Variants in IGFL4 observed in about 807,000 individuals in gnomAD.
The protein encoded by IGFL4 is IGF like family member 4, also known as insulin growth factor-like family member 4.
A neutral mutation model predicts 15.4 loss-of-function variants in IGFL4; 12 were observed. The observed-to-expected ratio is 0.78, with a 90% confidence interval of 0.50 to 1.26. The LOEUF (loss-of-function observed/expected upper bound fraction) is 1.26, where lower values mean the gene tolerates loss of function less well. Ranked by LOEUF, IGFL4 falls within the 50% of genes most tolerant of loss-of-function variation. The pLI is 0.00. For missense variants in IGFL4, 126 were observed against 147.8 expected (o/e 0.85, Z 0.76); for synonymous variants, 54 against 55.9 (o/e 0.97, Z 0.16).
intron 2 of IGFL4, among the ~76,000 whole-genome samples, chr19:46,051,070 A>T (rs561216286): frequency 3.9e-5 from 6 of 152,350 alleles, no homozygotes; most frequent in African/African-American, 1.4e-4. Context: ...CAGTGAAGCT[A>T]AGCCTCATAA....
chr19:46,069,063 T>C (rs1969521361), intron 1 of IGFL4, among the ~76,000 whole-genome samples: 1 of 152,304 alleles, frequency 6.6e-6, no homozygotes, highest in East Asian at 1.9e-4. Context: ...AAAGCTGTCC[T>C]ATCAGTACTG....
In IGFL4 at chr19:46,040,959, C is replaced by A. The variant is rs200186851; in HGVS notation, c.4G>T (p.Val2Leu). Reference sequence around the variant, plus strand: ...GTCTCCTTACCAGAAATTCTGGGCACCATGGGTTAGGCTTCAGAGCAGCGG... The same window carrying A: ...GTCTCCTTACCAGAAATTCTGGGCAACATGGGTTAGGCTTCAGAGCAGCGG... M[V>L]PRISAAIFIF... Residue 2 changes from valine to leucine, a missense_variant, in exon 1 of 4, where the codon GTG becomes TTG. Transcript: ENST00000377697. The surrounding 1 kb of genome is among the most constrained non-coding windows in gnomAD (Gnocchi z 4.1). 6.3e-7 allele frequency: 1 copy of A among 1,590,428 alleles called. No homozygotes were observed. The highest frequency in any genetic ancestry group is 2.2e-5 in the East Asian group (1 of 44,540).
Position 46,039,954 on chromosome 19 carries a change from T to C in IGFL4, c.331-18A>G, listed in dbSNP as rs28396657. 16,938 of 1,608,880 alleles carry C rather than the reference T, an allele frequency of 0.011. 1,077 individuals carry two copies. The African/African-American group carries it at 0.16, about 15-fold the overall frequency. On this transcript the variant is annotated intron_variant, in intron 3 of 3. Transcript: ENST00000377697. Reference sequence around the variant, plus strand: ...TGGTATTCCTGCAGAAGGAGAGAAGTGGGAGAGGGGAATAAGAGGGAGGGT... The same window carrying C: ...TGGTATTCCTGCAGAAGGAGAGAAGCGGGAGAGGGGAATAAGAGGGAGGGT...
chr19:46,052,108 C>A (rs936313603), intron 2 of IGFL4, among the ~76,000 whole-genome samples: 1 of 152,150 alleles, frequency 6.6e-6, no homozygotes, highest in Admixed American at 6.5e-5. Context: ...AAACAATGGA[C>A]TTAAGCTATA....
rs769177050 is a variant in IGFL4 at position 46,040,994 on chromosome 19, C to T, written c.-32G>A. 23 of 1,565,684 alleles carry T rather than the reference C, an allele frequency of 1.5e-5. No homozygotes were observed. The highest frequency in any genetic ancestry group is 1.9e-5 in the Non-Finnish European group (22 of 1,160,002). On this transcript the variant is annotated 5_prime_UTR_variant, in exon 1 of 4. Transcript: ENST00000377697. This position sits in a 1 kb window ranked among gnomAD's most constrained non-coding sequence, Gnocchi z 4.1. The stretch of plus-strand genomic sequence containing the variant: ...GGCTTCAGAGCAGCGGACGAGGGAG[C>T]AGCAGTGGAAATGGGTCAGTGACTT...
intron 1 of IGFL4, among the ~76,000 whole-genome samples, chr19:46,067,797 C>T (rs923878459): frequency 2.0e-5 from 3 of 152,124 alleles, no homozygotes; most frequent in Non-Finnish European, 2.9e-5. Context: ...AGGAAAGAGT[C>T]AGTCAGCCAG....
At chr19:46,072,885 G>A (rs1969560135) in intron 1 of IGFL4, among the ~76,000 whole-genome samples, 1 of 152,150 alleles carries the variant, frequency 6.6e-6, no homozygotes, top group Admixed American at 6.5e-5. Context: ...GGATCTCGGG[G>A]GAGATGCAGA....
rs147872869 is a variant in IGFL4, at chr19:46,040,164, C to T, written c.323G>A (p.Cys108Tyr). The T allele has an allele frequency of 4.6e-5, 75 of 1,613,732 alleles. No individual in the cohort carries two copies. In the African/African-American group the frequency reaches 8.9e-4, roughly 19 times the overall value. Residue 108 changes from cysteine (C) to tyrosine (Y), a missense_variant, in exon 3 of 4, where the codon TGT (cysteine) becomes TAT (tyrosine). Coordinates refer to ENST00000377697, the MANE Select transcript of IGFL4 (RefSeq NM_001002923.3). The surrounding 1 kb of genome is among the most constrained non-coding windows in gnomAD (Gnocchi z 4.1). The part of the protein sequence containing the change: ...DCKSSPITRI[C>Y]AQEYHPKSPV... ...CTGGAGTCAGATCCTTACCTGGGCA[C>T]AGATCCTGGTGATAGGGGAGGACTT...
At chr19:46,072,929 T>C (rs1261942634) in intron 1 of IGFL4, among the ~76,000 whole-genome samples, 1 of 152,062 alleles carries the variant, frequency 6.6e-6, no homozygotes, top group African/African-American at 2.4e-5. Context: ...CCGTAGTTAA[T>C]GGATACCAAA....
intron 2 of IGFL4, among the ~76,000 whole-genome samples, chr19:46,052,567 C>A (rs1031173090): frequency 1.3e-5 from 2 of 151,898 alleles, no homozygotes; most frequent in Non-Finnish European, 2.9e-5. Flanking sequence ...ACTAAAAATA[C>A]AAAAATTAGC....
intron 1 of IGFL4, among the ~76,000 whole-genome samples, chr19:46,064,334 A>G (rs958688057): frequency 5.9e-5 from 9 of 152,160 alleles, no homozygotes; most frequent in African/African-American, 2.2e-4. Flanking sequence ...GTTATTTAAA[A>G]ATGTAGAATT....
In IGFL4 at chr19:46,040,766, T is replaced by C; in HGVS notation, c.19+178A>G. 1 of 949,084 alleles carries C rather than the reference T, an allele frequency of 1.1e-6. No homozygotes were observed. The highest frequency in any genetic ancestry group is 1.6e-6 in the Non-Finnish European group (1 of 607,996). 58.8% of individuals were successfully genotyped at this position (949,084 alleles called of 1,614,324 possible). On this transcript the variant is annotated intron_variant, in intron 1 of 3. Transcript: ENST00000377697. This position sits in a 1 kb window ranked among gnomAD's most constrained non-coding sequence, Gnocchi z 4.1. ...GGAGGGCTCTGGGAAAAGTTAAGCT[T>C]CTGGAATTTGCAGTTCAGGAGACAG...
At chr19:46,059,897 C>G (rs1367893518) in intron 2 of IGFL4, 2 of 152,166 alleles carry the variant, frequency 1.3e-5, no homozygotes, top group African/African-American at 2.4e-5. Context: ...CTCTTGAGGT[C>G]CCAAGATAAC....
chr19:46,069,545 C>T (rs1031770442), intron 1 of IGFL4, among the ~76,000 whole-genome samples: 1 of 152,118 alleles, frequency 6.6e-6, no homozygotes, highest in African/African-American at 2.4e-5. Context: ...TACATATATG[C>T]CACACTTTTC....
chr19:46,066,993 A>G (rs1429672912), intron 1 of IGFL4, among the ~76,000 whole-genome samples: 1 of 152,218 alleles, frequency 6.6e-6, no homozygotes, highest in East Asian at 1.9e-4. Context: ...CTCATGTCCA[A>G]TCTGGTTCTC....
At chr19:46,075,243 A>G (rs1969584198) in intron 1 of IGFL4, among the ~76,000 whole-genome samples, 1 of 152,234 alleles carries the variant, frequency 6.6e-6, no homozygotes, top group Non-Finnish European at 1.5e-5. Context: ...GTTAGTAACT[A>G]AAGTCCATAG....
Position 46,040,136 on chromosome 19 carries a change from G to A in IGFL4, c.330+21C>T, listed in dbSNP as rs1339610605. The A allele has an allele frequency of 6.2e-7, 1 of 1,612,278 alleles. No individual in the cohort carries two copies. The highest frequency in any genetic ancestry group is 1.7e-5 in the Admixed American group (1 of 60,002). ...TCCCTACTCCCCCCTCCCACAGCCTGGACTGGAGTCAGATCCTTACCTGGG... is the reference window on the plus strand; with the variant it reads ...TCCCTACTCCCCCCTCCCACAGCCTAGACTGGAGTCAGATCCTTACCTGGG... On this transcript the variant is annotated intron_variant, in intron 3 of 3. Coordinates refer to ENST00000377697, the MANE Select transcript of IGFL4 (RefSeq NM_001002923.3). This position sits in a 1 kb window ranked among gnomAD's most constrained non-coding sequence, Gnocchi z 4.1.
At chr19:46,071,166 G>A (rs1340621528) in intron 1 of IGFL4, among the ~76,000 whole-genome samples, 2 of 149,640 alleles carry the variant, frequency 1.3e-5, no homozygotes, top group African/African-American at 4.9e-5. Context: ...CTCTGCCTAT[G>A]TGTATCAGCT....
At chr19:46,039,991 T>C (rs756401) in intron 3 of IGFL4, 55 bp from the exon 4 acceptor site, 988,131 of 1,528,392 alleles carry the variant, frequency 0.65, 324,476 homozygotes, top group East Asian at 0.86. Flanking sequence ...GTAGCAGCAG[T>C]GGCGGGGAAG....
Sources: gnomAD v4.1 joint callset for allele counts (sites outside exome capture counted in the v4.1 genomes callset) on GRCh38, gnomAD v4.1.1 for gene constraint, Gnocchi (gnomAD v3.1) non-coding constraint, MANE v1.5 for transcripts, NCBI Gene and HGNC (gene_info 2026-07-23, HGNC 2026-07-21) for gene names.